The following SLC9A9 variants were observed in gnomAD, a reference collection of about 807,000 sequenced individuals.
SLC9A9 encodes solute carrier family 9 member A9.
In SLC9A9, 62 loss-of-function variants were observed where a neutral mutation model predicts 77.8. The observed-to-expected ratio is 0.80, with a 90% CI of 0.65 to 0.98. The LOEUF is 0.98. Among genes scored for constraint, SLC9A9 ranks in the 50% least tolerant of loss-of-function variants. The pLI is 0.00. For missense variants in SLC9A9, 775 were observed against 774.9 expected (o/e 1.00, Z 0.00); for synonymous variants, 320 against 283.5 (o/e 1.13, Z -1.29).
At chr3:143,388,597 T>G (rs191874676) in intron 12 of SLC9A9, among the ~76,000 whole-genome samples, 11 of 152,330 alleles carry the variant, frequency 7.2e-5, no homozygotes, top group African/African-American at 2.4e-4. Flanking sequence ...GAAGCACTCA[T>G]GAAATATTAG....
chr3:143,305,199 C>T (rs1034726909), intron 14 of SLC9A9, among the ~76,000 whole-genome samples: 15 of 152,106 alleles, frequency 9.9e-5, no homozygotes, highest in Non-Finnish European at 1.3e-4. Context: ...GGCAACTTTT[C>T]GAGAAGCTGT....
chr3:143,273,763 T>C (rs1937964176), intron 14 of SLC9A9, among the ~76,000 whole-genome samples: 1 of 152,220 alleles, frequency 6.6e-6, no homozygotes, highest in East Asian at 1.9e-4. Context: ...AGACCTCTCT[T>C]GGAGATTCTG....
Position 143,562,318 on chromosome 3 carries a change from T to G in SLC9A9, c.1001-9868A>C, listed in dbSNP as rs74962609. On this transcript the variant is annotated intron_variant, in intron 8 of 15. Coordinates refer to ENST00000316549, the MANE Select transcript of SLC9A9 (RefSeq NM_173653.4). ...GGGATGAGGAATGTTTTCCTGAAAG[T>G]GGCAGAGGCATTTGGGTCTTGAGAG... Among the ~76,000 whole-genome samples the G allele has an allele frequency of 4.1e-3, 627 of 152,228 alleles. 18 individuals are homozygous for G. In the East Asian group the frequency reaches 0.072, roughly 18 times the overall value.
rs188253868 is a variant in SLC9A9 at position 143,695,491 on chromosome 3, C to T, written c.534-2184G>A. ...GAGAATGATGGTTTCCAGCTTCATCCATGTCCCTGCAAGGGACATGAATTC... is the reference window on the plus strand; with the variant it reads ...GAGAATGATGGTTTCCAGCTTCATCTATGTCCCTGCAAGGGACATGAATTC... On this transcript the variant is annotated intron_variant, in intron 4 of 15. Coordinates refer to ENST00000316549, the MANE Select transcript of SLC9A9 (RefSeq NM_173653.4). Among the ~76,000 whole-genome samples, 4 of 152,262 alleles carry T rather than the reference C, an allele frequency of 2.6e-5. No individual in the cohort carries two copies. The East Asian group carries it at 7.7e-4, about 29-fold the overall frequency.
chr3:143,377,615 GA>G (rs2033209252), intron 13 of SLC9A9, among the ~76,000 whole-genome samples: 1 of 152,164 alleles, frequency 6.6e-6, no homozygotes, highest in African/African-American at 2.4e-5. Context: ...AGGTAACGTC[GA>G]GAAACCATTA....
intron 12 of SLC9A9, among the ~76,000 whole-genome samples, chr3:143,384,947 T>A (rs2108500626): frequency 6.6e-6 from 1 of 152,366 alleles, no homozygotes; most frequent in African/African-American, 2.4e-5. Flanking sequence ...TTAGCTGCTT[T>A]TGAGGAAAAT....
intron 6 of SLC9A9, among the ~76,000 whole-genome samples, chr3:143,588,629 A>G (rs1310267041): frequency 3.9e-5 from 6 of 152,198 alleles, no homozygotes; most frequent in African/African-American, 4.8e-5. Context: ...TTACTTTCCA[A>G]TTTAGCTTGA....
At chr3:143,529,951 A>G (rs2036476317) in intron 9 of SLC9A9, among the ~76,000 whole-genome samples, 1 of 152,258 alleles carries the variant, frequency 6.6e-6, no homozygotes, top group East Asian at 1.9e-4. Context: ...AAGAATGAGA[A>G]TGAGGAAACT....
rs112136330 is a variant in SLC9A9, at chr3:143,273,461, C to T, written c.1605-4481G>A. Among the ~76,000 whole-genome samples the T allele has an allele frequency of 3.1e-3, 478 of 152,282 alleles. 5 individuals are homozygous for T. Among genetic ancestry groups the T allele is most frequent in the African/African-American group, 0.011 (458 of 41,546 alleles). ...TTCCCACCTTCCACAAAGAAGAGAT[C>T]ATGTGAGACCATAGCAAGAAGGCAG... On this transcript the variant is annotated intron_variant, in intron 14 of 15. Coordinates refer to ENST00000316549, the MANE Select transcript of SLC9A9 (RefSeq NM_173653.4).
At chr3:143,686,155 C>T (rs1447741) in intron 5 of SLC9A9, among the ~76,000 whole-genome samples, 114,591 of 151,354 alleles carry the variant, frequency 0.76, 44,385 homozygotes, top group East Asian at 0.88. Flanking sequence ...AAAGAGATAC[C>T]CTTCCACACT....
chr3:143,679,091 C>A (rs1211540722), intron 5 of SLC9A9, among the ~76,000 whole-genome samples: 1 of 145,044 alleles, frequency 6.9e-6, no homozygotes, highest in South Asian at 2.3e-4. Context: ...TGGCAATGGG[C>A]GGCTACACAC....
intron 4 of SLC9A9, among the ~76,000 whole-genome samples, chr3:143,762,237 T>C (rs1164366843): frequency 6.6e-6 from 1 of 152,162 alleles, no homozygotes; most frequent in Admixed American, 6.5e-5. Flanking sequence ...ATATACCTAA[T>C]GTAAATGACG....
chr3:143,488,721 C>T (rs1358947696), intron 11 of SLC9A9, among the ~76,000 whole-genome samples: 1 of 151,586 alleles, frequency 6.6e-6, no homozygotes, highest in Non-Finnish European at 1.5e-5. Context: ...AAACAACCAA[C>T]TAGGAATAGA....
chr3:143,334,817 A>G (rs889013453), intron 14 of SLC9A9, among the ~76,000 whole-genome samples: 1 of 152,226 alleles, frequency 6.6e-6, no homozygotes, highest in Non-Finnish European at 1.5e-5. Context: ...GATATGCCTA[A>G]TGAGAAGACT....
chr3:143,769,866 G>T (rs565863601), intron 4 of SLC9A9, among the ~76,000 whole-genome samples: 16 of 152,148 alleles, frequency 1.1e-4, no homozygotes, highest in Admixed American at 4.6e-4. Flanking sequence ...AGATAAAATA[G>T]GCCAAGGGTT....
intron 4 of SLC9A9, among the ~76,000 whole-genome samples, chr3:143,776,317 G>T (rs957453732): frequency 5.3e-5 from 8 of 152,130 alleles, no homozygotes; most frequent in African/African-American, 1.2e-4. Context: ...GCCAACGATA[G>T]AATTTTTCCT....
chr3:143,832,249 C>T, intron 1 of SLC9A9, 28 bp from the exon 2 acceptor site: 1 of 1,584,180 alleles, frequency 6.3e-7, no homozygotes, highest in Non-Finnish European at 8.6e-7. Flanking sequence ...AATAATGGTA[C>T]TGGAGGAAGG....
chr3:143,776,400 G>A (rs2007693439), intron 4 of SLC9A9, among the ~76,000 whole-genome samples: 1 of 152,136 alleles, frequency 6.6e-6, no homozygotes, highest in Non-Finnish European at 1.5e-5. Flanking sequence ...GTGATTTAAT[G>A]GACTGATACA....
chr3:143,806,739 G>GC (rs1040891996), intron 2 of SLC9A9, among the ~76,000 whole-genome samples: 2 of 150,272 alleles, frequency 1.3e-5, no homozygotes, highest in African/African-American at 2.4e-5. Context: ...TGTGGTGGTG[G>GC]GGGGGGCAAG....
Sources: allele counts gnomAD v4.1 joint callset (sites outside exome capture counted in the v4.1 genomes callset), GRCh38; gene constraint gnomAD v4.1.1; transcripts MANE v1.5; gene names NCBI Gene and HGNC (gene_info 2026-07-23, HGNC 2026-07-21).